The following NR3C1 variants were observed in gnomAD, a reference collection of about 807,000 sequenced individuals.
NR3C1 encodes nuclear receptor subfamily 3 group C member 1.
A neutral mutation model predicts 74.0 loss-of-function variants in NR3C1; 14 were observed. That is an observed-to-expected ratio of 0.19 (90% CI 0.12 to 0.30). The LOEUF is 0.30. NR3C1 is among the 10% of genes least tolerant of loss of function. The pLI is 1.00. For synonymous variants in NR3C1, 308 were observed against 332.5 expected (o/e 0.93, Z 0.80); for missense variants, 695 against 909.8 (o/e 0.76, Z 3.04).
intron 6 of NR3C1, among the ~76,000 whole-genome samples, chr5:143,297,731 A>T (rs963415635): frequency 6.6e-6 from 1 of 152,212 alleles, no homozygotes; most frequent in Non-Finnish European, 1.5e-5. Flanking sequence ...GGGGTACGAA[A>T]AGTAGTAATA....
chr5:143,282,561 C>CACTT lies in NR3C1; in HGVS notation c.2181+3_2181+6dup. The CACTT allele has an allele frequency of 8.7e-6, 14 of 1,613,544 alleles. No individual in the cohort carries two copies. The highest frequency in any genetic ancestry group is 1.3e-5 in the African/African-American group (1 of 74,874). ...CTCTTATATTTGGCTTTATGTTTGA[C>CACTT]ACTTACTTCATGCATAGAATCCAAG... On this transcript the variant is annotated splice_region_variant and intron_variant, in intron 8 of 8. Transcript: ENST00000394464.
chr5:143,329,675 T>C (rs1027462255), intron 2 of NR3C1, among the ~76,000 whole-genome samples: 1 of 152,166 alleles, frequency 6.6e-6, no homozygotes, highest in Non-Finnish European at 1.5e-5. Context: ...AACTCCTCTA[T>C]TTCACAGAAA....
chr5:143,319,029 CGT>C (rs1367744885), intron 2 of NR3C1, among the ~76,000 whole-genome samples: 6 of 152,186 alleles, frequency 3.9e-5, no homozygotes, highest in African/African-American at 1.2e-4. Flanking sequence ...AAATAAAGTA[CGT>C]GTTACTGTGA....
rs549716450 is a variant in NR3C1 at position 143,316,979 on chromosome 5, A to G, written c.1185-2811T>C. ...TGAACAAATGGATTGATAGTACAGT[A>G]GCTGAAAATTTGGAACCTCAATCAG... On this transcript the variant is annotated intron_variant, in intron 2 of 8. Transcript: ENST00000394464. 2.2e-4 allele frequency among the ~76,000 whole-genome samples: 33 copies of G among 152,320 alleles called. No individual in the cohort carries two copies. In the South Asian group the frequency reaches 6.6e-3, roughly 31 times the overall value.
intron 1 of NR3C1, among the ~76,000 whole-genome samples, chr5:143,424,538 G>GA (rs1210896925): frequency 3.3e-5 from 5 of 151,602 alleles, no homozygotes; most frequent in South Asian, 2.1e-4. Context: ...CTTTTTAAAA[G>GA]AAAAAAAACC....
intron 4 of NR3C1, among the ~76,000 whole-genome samples, chr5:143,301,940 A>G (rs1023417819): frequency 6.6e-6 from 1 of 152,122 alleles, no homozygotes; most frequent in Non-Finnish European, 1.5e-5. Context: ...GGGGTAACTG[A>G]GAATTGCAAA....
intron 2 of NR3C1, chr5:143,332,824 G>A: frequency 6.8e-7 from 1 of 1,472,724 alleles, no homozygotes; most frequent in South Asian, 1.1e-5. Context: ...ACCACTGCAA[G>A]ACTTCGCCTA....
chr5:143,425,802 G>A (rs1396930280), intron 1 of NR3C1, among the ~76,000 whole-genome samples: 1 of 152,150 alleles, frequency 6.6e-6, no homozygotes, highest in Non-Finnish European at 1.5e-5. Context: ...AGACACTGTG[G>A]AAAACATATT....
intron 2 of NR3C1, among the ~76,000 whole-genome samples, chr5:143,389,201 C>CACTCTG (rs1837796295): frequency 6.6e-6 from 1 of 152,134 alleles, no homozygotes; most frequent in Non-Finnish European, 1.5e-5. Context: ...GAGTGCTCTC[C>CACTCTG]ATGCTGCTGG....
rs74741137 is a variant in NR3C1, at chr5:143,342,546, A to C, written c.1185-28378T>G. ...AACATTTGCTGAATCAATTTAAGAG[A>C]AGTTGGAAATGTCAGTAAAAACCTT... On this transcript the variant is annotated intron_variant, in intron 2 of 8. Transcript: ENST00000394464. Among the ~76,000 whole-genome samples, 30 of 152,330 alleles carry C rather than the reference A, an allele frequency of 2.0e-4. No homozygotes were observed. In the East Asian group the frequency reaches 5.4e-3, roughly 27 times the overall value.
In NR3C1 at chr5:143,331,679, G is replaced by A. The variant is rs1204159285; in HGVS notation, c.1185-17511C>T. On this transcript the variant is annotated intron_variant, in intron 2 of 8. Transcript: ENST00000394464. ...CATTATCCTAAGCAAACTAACACAG[G>A]AATAGAAAACCAAATACCACATGTT... 2.0e-5 allele frequency among the ~76,000 whole-genome samples: 3 copies of A among 152,154 alleles called. No homozygotes were observed. The East Asian group carries it at 5.8e-4, about 29-fold the overall frequency.
At chr5:143,424,635 T>G (rs978042085) in intron 1 of NR3C1, among the ~76,000 whole-genome samples, 2 of 152,148 alleles carry the variant, frequency 1.3e-5, no homozygotes, top group African/African-American at 4.8e-5. Flanking sequence ...TATAGTCTAA[T>G]TAGTGGAAAA....
chr5:143,329,987 A>T (rs1025012302), intron 2 of NR3C1, among the ~76,000 whole-genome samples: 4 of 152,218 alleles, frequency 2.6e-5, no homozygotes, highest in Non-Finnish European at 5.9e-5. Context: ...CTACATATAC[A>T]TTTGTCAATT....
exon 1 of NR3C1, chr5:143,435,227 C>T: frequency 1.0e-6 from 1 of 985,460 alleles, no homozygotes; most frequent in Non-Finnish European, 1.2e-6. Context: ...CTATTCCTTC[C>T]CCACTCATGC....
chr5:143,372,761 T>G (rs1659894938), intron 2 of NR3C1, among the ~76,000 whole-genome samples: 2 of 152,302 alleles, frequency 1.3e-5, no homozygotes, highest in South Asian at 4.1e-4. Context: ...TACAGTACAA[T>G]CGTTTAGAAA....
intron 2 of NR3C1, among the ~76,000 whole-genome samples, chr5:143,335,988 A>C (rs2151723190): frequency 6.6e-6 from 1 of 152,340 alleles, no homozygotes; most frequent in Middle Eastern, 3.4e-3. Flanking sequence ...ATTCGCTTCT[A>C]ACAGAAAACA....
chr5:143,289,706 A>AAAG lies in NR3C1; in HGVS notation c.2023+5751_2023+5753dup, dbSNP rs772775485. Among the ~76,000 whole-genome samples the AAAG allele has an allele frequency of 1.3e-3, 191 of 152,314 alleles. 1 individual carries two copies. The highest frequency in any genetic ancestry group is 2.1e-3 in the Admixed American group (32 of 15,292). ...CAGTTAAAAAATGGGCAAAAGATTA[A>AAAG]AAGAGGCACAATACCAAATAAGAAA... On this transcript the variant is annotated intron_variant, in intron 7 of 8. Transcript: ENST00000394464.
intron 2 of NR3C1, among the ~76,000 whole-genome samples, chr5:143,351,159 C>G (rs1561642194): frequency 6.6e-6 from 1 of 152,162 alleles, no homozygotes; most frequent in Non-Finnish European, 1.5e-5. Flanking sequence ...TCTTCGAGAA[C>G]TGTCTCCCCA....
At chr5:143,310,338 T>C (rs61753483) in intron 3 of NR3C1, 125 bp from the exon 4 acceptor site, 5 of 721,184 alleles carry the variant, frequency 6.9e-6, no homozygotes, top group African/African-American at 1.7e-5. Context: ...CTTGAGGGAA[T>C]GTTCTTGCCT....
Sources: gnomAD v4.1 joint callset for allele counts (sites outside exome capture counted in the v4.1 genomes callset) on GRCh38, gnomAD v4.1.1 for gene constraint, MANE v1.5 for transcripts, NCBI Gene and HGNC (gene_info 2026-07-23, HGNC 2026-07-21) for gene names.